The following OTOF variants were observed in gnomAD, a reference collection of about 807,000 sequenced individuals.
OTOF encodes the protein fer-1-like family member 2.
A neutral mutation model predicts 236.8 loss-of-function variants in OTOF; 218 were observed. The ratio of observed to expected loss-of-function variants is 0.92; its 90% CI spans 0.82 to 1.03. OTOF has a LOEUF of 1.03. Among genes scored for constraint, OTOF ranks in the 50% least tolerant of loss-of-function variants. OTOF has a pLI of 0.00. For synonymous variants in OTOF, 1,041 were observed against 1,072.5 expected, an observed-to-expected ratio of 0.97 and a Z score of 0.57; for missense variants, 2,590 against 2,694.4, an observed-to-expected ratio of 0.96 and a Z score of 0.86.
intron 24 of OTOF, 40 bp from the exon 25 acceptor site, chr2:26,475,533 G>A (rs1032648837): frequency 1.3e-6 from 2 of 1,576,694 alleles, no homozygotes; most frequent in Middle Eastern, 1.7e-4. Context: ...AAGTGACAGA[G>A]GGGGGGGCAG....
chr2:26,538,202 T>G (rs1667122365), intron 1 of OTOF, among the ~76,000 whole-genome samples: 1 of 152,214 alleles, frequency 6.6e-6, no homozygotes, highest in Non-Finnish European at 1.5e-5. Context: ...AGCCCCTGCC[T>G]GCCGACAGGG....
At position 26,477,550 on chromosome 2, in the gene OTOF, G is replaced by C; in HGVS notation, c.2316-44C>G. Reference sequence around the variant, plus strand: ...GGGGTTTAGCGAGCCTGACCAGCAGGGGCTCTGTAGATTCTTCCTCATCTG... The same window carrying C: ...GGGGTTTAGCGAGCCTGACCAGCAGCGGCTCTGTAGATTCTTCCTCATCTG... On this transcript the variant is annotated intron_variant, in intron 19 of 46. Coordinates refer to ENST00000272371, the MANE Select transcript of OTOF (RefSeq NM_194248.3). This position sits in a 1 kb window ranked among gnomAD's most constrained non-coding sequence, Gnocchi z 4.7. 6.3e-7 allele frequency: 1 copy of C among 1,594,120 alleles called. No individual in the cohort carries two copies. The highest frequency in any genetic ancestry group is 8.6e-7 in the Non-Finnish European group (1 of 1,168,488).
chr2:26,507,709 C>A (rs1352880497), intron 5 of OTOF, among the ~76,000 whole-genome samples: 2 of 152,144 alleles, frequency 1.3e-5, no homozygotes, highest in African/African-American at 2.4e-5. Context: ...CGTATTAAAG[C>A]TTGAGAAGTG....
At position 26,461,927 on chromosome 2, in the gene OTOF, C is replaced by T. The variant is rs750096477; in HGVS notation, c.5302G>A (p.Gly1768Ser). Residue 1768 changes from glycine to serine, a missense_variant, in exon 43 of 47, where the codon GGC (glycine) becomes AGC (serine). By Grantham distance (56) the Gly-to-Ser change is moderately conservative (BLOSUM62 0). Coordinates refer to ENST00000272371, the MANE Select transcript of OTOF (RefSeq NM_194248.3). The surrounding 1 kb of genome is among the most constrained non-coding windows in gnomAD (Gnocchi z 6.2). ...SDIFVRGWLK[G>S]QQEDKQDTDV... ...GTGTCCTGCTTGTCCTCCTGCTGGC[C>T]CTTCAGCCACCTGTGGGCGCCACAT... 2 of 1,614,056 alleles carry T rather than the reference C, an allele frequency of 1.2e-6. No homozygotes were observed. The highest frequency in any genetic ancestry group is 1.1e-5 in the South Asian group (1 of 91,078).
At position 26,458,193 on chromosome 2, in the gene OTOF, G is replaced by A. The variant is rs1446737241; in HGVS notation, c.*45C>T. The A allele has an allele frequency of 3.1e-6, 5 of 1,607,534 alleles. No homozygotes were observed. Among genetic ancestry groups the A allele is most frequent in the Non-Finnish European group, 4.2e-6 (5 of 1,176,938 alleles). ...ACTTGATGGACTTGAGAGGGTTGAGGAACCAGACGAAGGCCGTGTCGGGCC... is the reference window on the plus strand; with the variant it reads ...ACTTGATGGACTTGAGAGGGTTGAGAAACCAGACGAAGGCCGTGTCGGGCC... On this transcript the variant is annotated 3_prime_UTR_variant, in exon 47 of 47. Coordinates refer to ENST00000272371, the MANE Select transcript of OTOF (RefSeq NM_194248.3).
intron 41 of OTOF, among the ~76,000 whole-genome samples, chr2:26,463,209 G>T (rs542999249): frequency 6.6e-6 from 1 of 152,164 alleles, no homozygotes; most frequent in Non-Finnish European, 1.5e-5. Context: ...CAATGCACCG[G>T]AGTGTGCTGT....
chr2:26,498,801 T>A (rs962426831), intron 8 of OTOF, among the ~76,000 whole-genome samples: 7 of 152,138 alleles, frequency 4.6e-5, no homozygotes, highest in Admixed American at 6.5e-5. Context: ...GAGCCAGAGA[T>A]GAGAGTTGGT....
rs1321023099 is a variant in OTOF at position 26,465,135 on chromosome 2, G to T, written c.4800-106C>A. ...CTAAAGTTGGCTGTTGCCCTCATCA[G>T]CAAGTGAGCCTGATTCCTCCTGCCC... is the stretch of plus-strand genomic sequence containing the variant. On this transcript the variant is annotated intron_variant, in intron 38 of 46. Transcript: ENST00000272371. 5 of 988,342 alleles carry T rather than the reference G, an allele frequency of 5.1e-6. No homozygotes were observed. In the Admixed American group the frequency reaches 1.3e-4, roughly 26 times the overall value. The allele number at this position is 988,342 out of a possible 1,614,324, so 61.2% of individuals were successfully genotyped here. A position where few individuals can be genotyped will look rare whatever the true frequency, so the allele number is the denominator to read the frequency against.
At chr2:26,458,542 C>T (rs760634970) in intron 46 of OTOF, among the ~76,000 whole-genome samples, 2 of 152,178 alleles carry the variant, frequency 1.3e-5, no homozygotes, top group African/African-American at 2.4e-5. Context: ...CTATGTGCTG[C>T]CCCACGTCCT....
intron 11 of OTOF, among the ~76,000 whole-genome samples, chr2:26,487,450 C>T (rs2148064711): frequency 6.6e-6 from 1 of 152,290 alleles, no homozygotes; most frequent in South Asian, 2.1e-4. Flanking sequence ...GCCGCTTACT[C>T]ACAATGTGGC....
intron 1 of OTOF, among the ~76,000 whole-genome samples, chr2:26,552,072 T>C (rs972511854): frequency 7.8e-6 from 1 of 128,618 alleles, no homozygotes; most frequent in Non-Finnish European, 1.6e-5. Flanking sequence ...ATTTGAGAGT[T>C]TTTTTATATA....
At chr2:26,549,626 G>A (rs1391164227) in intron 1 of OTOF, among the ~76,000 whole-genome samples, 1 of 152,166 alleles carries the variant, frequency 6.6e-6, no homozygotes, top group Non-Finnish European at 1.5e-5. Context: ...CTCCACTCAT[G>A]TATTTCCCCT....
rs753552478 is a variant in OTOF at position 26,473,565 on chromosome 2, C to T, written c.3411G>A (p.Val1137=). The T allele has an allele frequency of 6.2e-7, 1 of 1,603,266 alleles. No homozygotes were observed. Among genetic ancestry groups the T allele is most frequent in the South Asian group, 1.1e-5 (1 of 90,328 alleles). ...TTAGGTCCCGTAGGCCCCAGAACAG[C>T]ACCTGGGAGAGGTTGGAGGGTGGGT... ...RPVLSKYRVE[V]LFWGLRDLKR... The change falls in exon 28 of 47, where the codon GTG becomes GTA. Residue 1137 remains valine, a splice_region_variant and synonymous_variant. Coordinates refer to ENST00000272371, the MANE Select transcript of OTOF (RefSeq NM_194248.3). This position sits in a 1 kb window ranked among gnomAD's most constrained non-coding sequence, Gnocchi z 7.2.
chr2:26,522,941 G>A (rs1043654793), intron 3 of OTOF, among the ~76,000 whole-genome samples: 6 of 152,242 alleles, frequency 3.9e-5, no homozygotes, highest in Admixed American at 3.9e-4. Flanking sequence ...TGGGCGGCTG[G>A]GCAGAGCTAA....
intron 2 of OTOF, among the ~76,000 whole-genome samples, chr2:26,530,746 CCT>C (rs996168336): frequency 6.6e-5 from 10 of 152,126 alleles, no homozygotes; most frequent in Middle Eastern, 3.2e-3. Flanking sequence ...TCTCTGTCTC[CCT>C]CTGTCTTTCT....
At chr2:26,508,956 CAT>C (rs1217448142) in intron 5 of OTOF, among the ~76,000 whole-genome samples, 1 of 152,186 alleles carries the variant, frequency 6.6e-6, no homozygotes, top group African/African-American at 2.4e-5. Context: ...TACTTTATCT[CAT>C]GTGCTAATTA....
chr2:26,555,381 G>T (rs1667560353), intron 1 of OTOF, among the ~76,000 whole-genome samples: 1 of 152,214 alleles, frequency 6.6e-6, no homozygotes, highest in Non-Finnish European at 1.5e-5. Context: ...CTCCTGGAGG[G>T]CCAGGCTGGC....
chr2:26,464,695 G>A (rs1405928187), intron 39 of OTOF, among the ~76,000 whole-genome samples, 174 bp downstream of exon 39: 1 of 152,162 alleles, frequency 6.6e-6, no homozygotes, highest in East Asian at 1.9e-4. Flanking sequence ...AAGCACAGAG[G>A]CTGGGCAGAC....
At chr2:26,541,456 A>G (rs762169655) in intron 1 of OTOF, among the ~76,000 whole-genome samples, 1 of 152,214 alleles carries the variant, frequency 6.6e-6, no homozygotes, top group Non-Finnish European at 1.5e-5. Flanking sequence ...GCTGAAACAC[A>G]TCAATCATAC....
Sources: allele counts gnomAD v4.1 joint callset (sites outside exome capture counted in the v4.1 genomes callset), GRCh38; gene constraint gnomAD v4.1.1; non-coding constraint Gnocchi (gnomAD v3.1); transcripts MANE v1.5; gene names NCBI Gene and HGNC (gene_info 2026-07-23, HGNC 2026-07-21).